The following ANGPT2 variants were observed in gnomAD, a reference collection of about 807,000 sequenced individuals.
ANGPT2 encodes angiopoietin 2.
A neutral mutation model predicts 62.9 loss-of-function variants in ANGPT2; 28 were observed. That is an observed-to-expected ratio of 0.44 (90% confidence interval 0.33 to 0.61). ANGPT2 has a LOEUF of 0.61. ANGPT2 is among the 20% of genes least tolerant of loss of function. The pLI is 0.03. For synonymous variants in ANGPT2, 284 were observed against 207.8 expected, an observed-to-expected ratio of 1.37 and a Z score of -3.15; for missense variants, 727 against 594.9, an observed-to-expected ratio of 1.22 and a Z score of -2.31.
chr8:6,500,020 A>C lies in ANGPT2; in HGVS notation c.*3081T>G. The C allele has an allele frequency of 9.3e-7, 1 of 1,074,274 alleles. No individual in the cohort carries two copies. The highest frequency in any genetic ancestry group is 1.5e-5 in the African/African-American group (1 of 64,656). 66.5% of individuals were successfully genotyped at this position (1,074,274 alleles called of 1,614,324 possible). On this transcript the variant is annotated 3_prime_UTR_variant, in exon 9 of 9. Coordinates refer to ENST00000629816, the MANE Select transcript of ANGPT2 (RefSeq NM_001118887.2). The stretch of plus-strand genomic sequence containing the variant: ...TAAGGGTGGACTTAAGTTTTTATCC[A>C]GTCAAGCACAATTATGCCCATAATT...
At chr8:6,558,447 T>G (rs563207959) in intron 1 of ANGPT2, among the ~76,000 whole-genome samples, 1 of 152,350 alleles carries the variant, frequency 6.6e-6, no homozygotes, top group South Asian at 2.1e-4. Flanking sequence ...AAATTTCAAT[T>G]ATTTTATGGA....
intron 1 of ANGPT2, among the ~76,000 whole-genome samples, chr8:6,546,859 A>T (rs145366990): frequency 6.6e-6 from 1 of 152,330 alleles, no homozygotes; most frequent in African/African-American, 2.4e-5. Context: ...AGTCAAAAAG[A>T]ACTAATAAAT....
chr8:6,542,858 GA>G (rs577893518), intron 1 of ANGPT2, among the ~76,000 whole-genome samples: 92 of 152,242 alleles, frequency 6.0e-4, no homozygotes, highest in Middle Eastern at 3.4e-3. Context: ...TAAATGGCTA[GA>G]AAAGGGAAAA....
At chr8:6,511,582 A>G (rs1015243449) in intron 7 of ANGPT2, among the ~76,000 whole-genome samples, 4 of 152,230 alleles carry the variant, frequency 2.6e-5, no homozygotes, top group African/African-American at 7.2e-5. Context: ...GCTGCATACA[A>G]CTGGCGTCTC....
In ANGPT2 at chr8:6,521,286, C is replaced by G; in HGVS notation, c.691G>C (p.Glu231Gln). 1 of 1,612,944 alleles carries G rather than the reference C, an allele frequency of 6.2e-7. No homozygotes were observed. The highest frequency in any genetic ancestry group is 8.5e-7 in the Non-Finnish European group (1 of 1,179,524). Reference protein sequence around the residue: ...SKQNSIIEELEKKIVTATVNN... With the variant: ...SKQNSIIEELQKKIVTATVNN... ...ACCGTGGCAGTCACTATTTTTTTTT[C>G]TAGTTCTTCAATGATGGAATTTTGC... The change falls in exon 4 of 9, where the codon GAA becomes CAA. Residue 231 changes from glutamate (E) to glutamine (Q), a missense_variant. Transcript: ENST00000629816.
In ANGPT2 at chr8:6,502,755, G is replaced by A; in HGVS notation, c.*346C>T. The A allele has an allele frequency of 3.4e-6, 1 of 295,532 alleles. No homozygotes were observed. Among genetic ancestry groups the A allele is most frequent in the Non-Finnish European group, 6.4e-6 (1 of 155,474 alleles). The allele number at this position is 295,532 out of a possible 1,614,324, so 18.3% of individuals were successfully genotyped here. A position where few individuals can be genotyped will look rare whatever the true frequency, so the allele number is the denominator to read the frequency against. On this transcript the variant is annotated 3_prime_UTR_variant, in exon 9 of 9. Transcript: ENST00000629816. Reference sequence around the variant, plus strand: ...ATGATCTGTATTGTATAACATAAGTGTTCTGTTTTCCAGTTATTTACTGAT... The same window carrying A: ...ATGATCTGTATTGTATAACATAAGTATTCTGTTTTCCAGTTATTTACTGAT...
intron 1 of ANGPT2, among the ~76,000 whole-genome samples, chr8:6,536,534 C>T (rs1820532877): frequency 6.6e-6 from 1 of 152,106 alleles, no homozygotes; most frequent in South Asian, 2.1e-4. Context: ...CAGAAAAGCC[C>T]AGAATTAAAG....
intron 3 of ANGPT2, among the ~76,000 whole-genome samples, chr8:6,523,265 G>A (rs1322974605): frequency 6.6e-6 from 1 of 152,114 alleles, no homozygotes; most frequent in East Asian, 1.9e-4. Context: ...CCAAAGTGCT[G>A]GGATTACAGG....
At position 6,501,057 on chromosome 8, in the gene ANGPT2, C is replaced by T. The variant is rs972809611; in HGVS notation, c.*2044G>A. ...TTCAACTTGATACAAGGCCATGATA[C>T]CGTTGTTGAATTCATAAAACCTTCT... On this transcript the variant is annotated 3_prime_UTR_variant, in exon 9 of 9. Transcript: ENST00000629816. 1 of 152,138 alleles carries T rather than the reference C, an allele frequency of 6.6e-6. No individual in the cohort carries two copies. Among genetic ancestry groups the T allele is most frequent in the Non-Finnish European group, 1.5e-5 (1 of 68,026 alleles). The allele number at this position is 152,138 out of a possible 1,614,324, so 9.4% of individuals were successfully genotyped here. A position where few individuals can be genotyped will look rare whatever the true frequency, so the allele number is the denominator to read the frequency against.
intron 8 of ANGPT2, among the ~76,000 whole-genome samples, chr8:6,504,296 C>T (rs546950579): frequency 8.3e-6 from 1 of 120,554 alleles, no homozygotes; most frequent in South Asian, 2.7e-4. Flanking sequence ...CCAGCCTGGG[C>T]GACAGAGTGA....
At chr8:6,545,265 G>C (rs1409674665) in intron 1 of ANGPT2, among the ~76,000 whole-genome samples, 1 of 152,144 alleles carries the variant, frequency 6.6e-6, no homozygotes, top group Non-Finnish European at 1.5e-5. Context: ...CCTCGGTGCT[G>C]GTTACATGAG....
intron 2 of ANGPT2, among the ~76,000 whole-genome samples, chr8:6,530,862 C>G (rs1018910424): frequency 3.3e-5 from 5 of 152,196 alleles, no homozygotes; most frequent in African/African-American, 1.2e-4. Flanking sequence ...TAGAATGAGT[C>G]TTACGAGAGT....
intron 1 of ANGPT2, among the ~76,000 whole-genome samples, chr8:6,542,795 C>T (rs1329368809): frequency 2.6e-5 from 4 of 152,056 alleles, no homozygotes; most frequent in African/African-American, 9.7e-5. Flanking sequence ...CTGAAGTGGG[C>T]AGTTTTTTTC....
At chr8:6,556,995 G>T (rs951964094) in intron 1 of ANGPT2, among the ~76,000 whole-genome samples, 2 of 152,134 alleles carry the variant, frequency 1.3e-5, no homozygotes, top group Admixed American at 6.5e-5. Context: ...AAATCAACTT[G>T]CATGGCTCCT....
intron 1 of ANGPT2, among the ~76,000 whole-genome samples, chr8:6,536,476 G>A (rs1162924075): frequency 6.6e-6 from 1 of 152,104 alleles, no homozygotes; most frequent in Non-Finnish European, 1.5e-5. Flanking sequence ...AATGCCTTAA[G>A]AAAACAGACA....
intron 1 of ANGPT2, among the ~76,000 whole-genome samples, chr8:6,557,468 T>C (rs951767925): frequency 2.0e-5 from 3 of 152,112 alleles, no homozygotes; most frequent in Admixed American, 2.0e-4. Context: ...GCTGTCTTTA[T>C]ATCAGAATAA....
At chr8:6,560,121 CAT>C (rs371635397) in intron 1 of ANGPT2, among the ~76,000 whole-genome samples, 5 of 152,294 alleles carry the variant, frequency 3.3e-5, no homozygotes, top group Middle Eastern at 6.8e-3. Flanking sequence ...CTTCCTGACA[CAT>C]GTTTTAATTT....
At chr8:6,505,472 C>A (rs10093839) in intron 8 of ANGPT2, among the ~76,000 whole-genome samples, 1 of 42,040 alleles carries the variant, frequency 2.4e-5, no homozygotes, top group African/African-American at 9.0e-5. Flanking sequence ...ATATTCTTTA[C>A]ATATATAGAA....
chr8:6,527,707 T>C (rs1354993199), intron 2 of ANGPT2, 31 bp from the exon 3 acceptor site: 10 of 1,563,450 alleles, frequency 6.4e-6, no homozygotes, highest in African/African-American at 1.4e-5. Context: ...TTCCTATTAA[T>C]TATTTTTTAA....
Sources: allele counts gnomAD v4.1 joint callset (sites outside exome capture counted in the v4.1 genomes callset), GRCh38; gene constraint gnomAD v4.1.1; transcripts MANE v1.5; gene names NCBI Gene and HGNC (gene_info 2026-07-23, HGNC 2026-07-21).